Variants in DRP2 observed in about 807,000 individuals in gnomAD.
DRP2 encodes dystrophin-related protein 2.
DRP2 carries 29 observed loss-of-function variants against 78.2 expected under a neutral mutation model. That is an observed-to-expected ratio of 0.37 (90% CI 0.28 to 0.51). DRP2 has a LOEUF of 0.51. Among genes scored for constraint, DRP2 ranks in the 20% least tolerant of loss-of-function variants. The pLI, the probability that DRP2 is intolerant of heterozygous loss-of-function variation, is 0.94. For synonymous variants in DRP2, 290 were observed against 281.9 expected (o/e 1.03, Z -0.29); for missense variants, 686 against 770.6 (o/e 0.89, Z 1.30).
chrX:101,242,969 G>C lies in DRP2; in HGVS notation c.1041G>C (p.Gln347His), dbSNP rs374059898. The change falls in exon 9 of 24, where the codon CAG (glutamine) becomes CAC (histidine). Residue 347 changes from glutamine to histidine, a missense_variant. By Grantham distance (24) the Gln-to-His change is conservative. Coordinates refer to ENST00000395209, the MANE Select transcript of DRP2 (RefSeq NM_001939.3). ...DAHRDFGPGS[Q>H]HFLSSSVQVP... ...ACCGGGACTTTGGGCCTGGGTCACAGCACTTTCTCTCCTGTACGTGAACCA... is the reference window on the plus strand; with the variant it reads ...ACCGGGACTTTGGGCCTGGGTCACACCACTTTCTCTCCTGTACGTGAACCA... The C allele has an allele frequency of 3.3e-6, 4 of 1,208,327 alleles. No individual in the cohort carries two copies. Among genetic ancestry groups the C allele is most frequent in the Non-Finnish European group, 3.4e-6 (3 of 894,429 alleles).
Position 101,248,599 on chromosome X carries a change from T to C in DRP2, c.1540T>C (p.Tyr514His). 2 of 1,208,564 alleles carry C rather than the reference T, an allele frequency of 1.7e-6. No individual in the cohort carries two copies. Residue 514 changes from tyrosine (Y) to histidine (H), a missense_variant and splice_region_variant, in exon 14 of 24, where the codon TAC becomes CAC. Physicochemically the swap from Tyr to His is moderately conservative, Grantham distance 83 (BLOSUM62 2). Around this residue, in one of 2 missense-constraint regions of DRP2, gnomAD observed 423 missense variants for 531.5 expected, o/e 0.80. Coordinates refer to ENST00000395209, the MANE Select transcript of DRP2 (RefSeq NM_001939.3). ...CACGGAAGTGAAGGAAAAACTTCAGTGTGAGTAGAACTCCAAAGTGTGGAG... is the reference window on the plus strand; with the variant it reads ...CACGGAAGTGAAGGAAAAACTTCAGCGTGAGTAGAACTCCAAAGTGTGGAG... ...CGTEVKEKLQ[Y>H]LFSQVANSGS...
At chrX:101,258,774 C>A (rs777972795) in intron 22 of DRP2, among the ~76,000 whole-genome samples, 1 of 111,404 alleles carries the variant, frequency 9.0e-6, no homozygotes, top group African/African-American at 3.3e-5. Context: ...TCCATGCCAC[C>A]CTGTGTGTCA....
chrX:101,232,789 G>A (rs2147333496), intron 3 of DRP2, among the ~76,000 whole-genome samples: 1 of 112,225 alleles, frequency 8.9e-6, no homozygotes, highest in Admixed American at 9.4e-5. Flanking sequence ...ACTTTCACAG[G>A]GTCGAGGGAT....
chrX:101,249,652 C>T (rs1158257333), intron 14 of DRP2, among the ~76,000 whole-genome samples: 1 of 111,386 alleles, frequency 9.0e-6, no homozygotes, highest in African/African-American at 3.3e-5. Context: ...TATGATTCTA[C>T]AACTAGGCAG....
intron 20 of DRP2, 98 bp downstream of exon 20, chrX:101,255,347 G>A (rs932631015): frequency 1.1e-6 from 1 of 896,658 alleles, no homozygotes; most frequent in African/African-American, 1.9e-5. Flanking sequence ...ATGGGGGTGT[G>A]TGGTGGTTAG....
intron 21 of DRP2, 86 bp from the exon 22 acceptor site, chrX:101,258,223 C>T: frequency 2.4e-6 from 2 of 830,152 alleles, no homozygotes; most frequent in Non-Finnish European, 3.5e-6. Flanking sequence ...AGGGATTGTT[C>T]ACACCTAGGC....
intron 11 of DRP2, 146 bp from the exon 12 acceptor site, chrX:101,246,944 C>A (rs1301377599): frequency 2.3e-6 from 1 of 430,522 alleles, no homozygotes; most frequent in Non-Finnish European, 3.9e-6. Context: ...CTTTCACTGG[C>A]AGTTCTCATT....
At position 101,258,382 on chromosome X, in the gene DRP2, G is replaced by A. The variant is rs1173533079; in HGVS notation, c.2464G>A (p.Gly822Ser). 8.3e-7 allele frequency: 1 copy of A among 1,204,456 alleles called. No homozygotes were observed. The highest frequency in any genetic ancestry group is 1.1e-6 in the Non-Finnish European group (1 of 891,844). Residue 822 changes from glycine to serine, a missense_variant, in exon 22 of 24, where the codon GGC becomes AGC. Transcript: ENST00000395209. Reference sequence around the variant, plus strand: ...AGCTGAGGCACCCAGTCTGGCTGACGGCTCCACTGAGGCAGCAACAGACCA... The same window carrying A: ...AGCTGAGGCACCCAGTCTGGCTGACAGCTCCACTGAGGCAGCAACAGACCA... ...EAAEAPSLAD[G>S]STEAATDHRN...
At position 101,255,284 on chromosome X, in the gene DRP2, G is replaced by A. The variant is rs1380473755; in HGVS notation, c.2246+35G>A. On this transcript the variant is annotated intron_variant, in intron 20 of 23. Coordinates refer to ENST00000395209, the MANE Select transcript of DRP2 (RefSeq NM_001939.3). ...CACAGCTGCTTATTTGCCAGAAATA[G>A]TTCTCCTTGAGATCTTTGTGCCACT... 3 of 1,174,693 alleles carry A rather than the reference G, an allele frequency of 2.6e-6. No individual in the cohort carries two copies. In the East Asian group the frequency reaches 8.9e-5, roughly 35 times the overall value.
intron 7 of DRP2, among the ~76,000 whole-genome samples, 158 bp downstream of exon 7, chrX:101,242,094 GTC>G (rs1356297807): frequency 3.6e-5 from 4 of 111,625 alleles, no homozygotes; most frequent in Non-Finnish European, 7.5e-5. Context: ...TTTGGCTGGA[GTC>G]TCTTCTGTTT....
At chrX:101,244,895 G>A in intron 9 of DRP2, 122 bp from the exon 10 acceptor site, 1 of 617,727 alleles carries the variant, frequency 1.6e-6, no homozygotes, top group Non-Finnish European at 2.5e-6. Flanking sequence ...AGCTGGCAAT[G>A]AAATTCAGAC....
At chrX:101,241,113 T>A (rs1432946114) in intron 6 of DRP2, among the ~76,000 whole-genome samples, 1 of 112,362 alleles carries the variant, frequency 8.9e-6, no homozygotes, top group African/African-American at 3.2e-5. Flanking sequence ...ATGTCTTACT[T>A]TTTCATTTCC....
intron 3 of DRP2, among the ~76,000 whole-genome samples, chrX:101,233,232 G>A (rs1388625818): frequency 8.9e-6 from 1 of 112,035 alleles, no homozygotes; most frequent in Non-Finnish European, 1.9e-5. Flanking sequence ...AGCTAACATG[G>A]GTAGAGCCCA....
intron 9 of DRP2, 56 bp downstream of exon 9, chrX:101,243,038 G>A: frequency 2.7e-6 from 3 of 1,107,962 alleles, no homozygotes; most frequent in Non-Finnish European, 3.7e-6. Context: ...TTCCTGGAGA[G>A]TCTATTGTTA....
intron 1 of DRP2, among the ~76,000 whole-genome samples, chrX:101,221,066 T>G (rs1921876764): frequency 9.0e-6 from 1 of 111,543 alleles, no homozygotes; most frequent in African/African-American, 3.3e-5. Flanking sequence ...TCACAGGTGT[T>G]GGGTCTAAGC....
chrX:101,221,532 C>A (rs1602902487), intron 1 of DRP2, among the ~76,000 whole-genome samples: 1 of 112,679 alleles, frequency 8.9e-6, no homozygotes, highest in Middle Eastern at 4.6e-3. Flanking sequence ...GTCTTGCTTT[C>A]TGTAAACCAT....
rs188750890 is a variant in DRP2, at chrX:101,252,439, A to G, written c.1866-166A>G. 2.1e-4 allele frequency among the ~76,000 whole-genome samples: 23 copies of G among 111,963 alleles called. No homozygotes were observed. In the East Asian group the frequency reaches 6.1e-3, roughly 30 times the overall value. ...GTCTCTAGAATAAAGTTATTCATCT[A>G]TTGAGAATTCAGCCACTGCTATGTA... On this transcript the variant is annotated intron_variant, in intron 16 of 23. Transcript: ENST00000395209.
At position 101,242,898 on chromosome X, in the gene DRP2, C is replaced by T. The variant is rs746992804; in HGVS notation, c.976-6C>T. 2.7e-5 allele frequency: 32 copies of T among 1,207,213 alleles called. No homozygotes were observed. In the South Asian group the frequency reaches 5.1e-4, roughly 19 times the overall value. On this transcript the variant is annotated splice_region_variant and splice_polypyrimidine_tract_variant and intron_variant, in intron 8 of 23. Coordinates refer to ENST00000395209, the MANE Select transcript of DRP2 (RefSeq NM_001939.3). ...ATCTACTGACCTCACCCTGTTCTTT[C>T]CATAGGCGTCAGTTAGTGAGAGGCT... is the stretch of plus-strand genomic sequence containing the variant.
chrX:101,224,310 G>A (rs1922033246), intron 1 of DRP2, among the ~76,000 whole-genome samples: 1 of 92,258 alleles, frequency 1.1e-5, no homozygotes, highest in Admixed American at 1.3e-4. Flanking sequence ...CTTGAACCCA[G>A]GAGGCGGAGG....
Sources: gnomAD v4.1 joint callset for allele counts (sites outside exome capture counted in the v4.1 genomes callset) on GRCh38, gnomAD v4.1.1 for gene constraint, gnomAD v4.1.1 regional missense constraint, MANE v1.5 for transcripts, NCBI Gene and HGNC (gene_info 2026-07-23, HGNC 2026-07-21) for gene names.